PPFIBP1: variants seen among roughly 807,000 people sequenced by gnomAD.
PPFIBP1 encodes liprin-beta-1.
Under a neutral mutation model 137.8 loss-of-function variants are expected in PPFIBP1, and 112 were observed. The ratio of observed to expected loss-of-function variants is 0.81; its 90% CI spans 0.70 to 0.95. The LOEUF (loss-of-function observed/expected upper bound fraction) is 0.95, where lower values mean the gene tolerates loss of function less well. Ranked by LOEUF, PPFIBP1 falls within the 40% of genes least tolerant of loss-of-function variation. The pLI is 0.00. For missense variants in PPFIBP1, 1,083 were observed against 1,196.6 expected, an observed-to-expected ratio of 0.91 and a Z score of 1.40; for synonymous variants, 378 against 417.3, an observed-to-expected ratio of 0.91 and a Z score of 1.15.
At chr12:27,550,347 C>A (rs890430752) in intron 1 of PPFIBP1, among the ~76,000 whole-genome samples, 4 of 152,188 alleles carry the variant, frequency 2.6e-5, no homozygotes, top group African/African-American at 7.2e-5. Context: ...GCTGCTCCAG[C>A]TGGGATGTCT....
chr12:27,642,250 C>T (rs1286197930), intron 4 of PPFIBP1, among the ~76,000 whole-genome samples: 6 of 152,214 alleles, frequency 3.9e-5, no homozygotes, highest in African/African-American at 7.2e-5. Context: ...ACTCTGCATA[C>T]ACACTATTGG....
intron 21 of PPFIBP1, 66 bp downstream of exon 21, chr12:27,680,127 G>C (rs1264495993): frequency 9.5e-6 from 15 of 1,572,496 alleles, no homozygotes; most frequent in Non-Finnish European, 1.3e-5. Context: ...GAGTCCTGCA[G>C]TATTAGTACT....
intron 2 of PPFIBP1, among the ~76,000 whole-genome samples, chr12:27,626,979 A>C (rs1016073466): frequency 9.2e-5 from 14 of 152,146 alleles, no homozygotes; most frequent in African/African-American, 2.9e-4. Flanking sequence ...AATTTTTATG[A>C]GTACATAGTA....
At chr12:27,599,120 T>G (rs2137649935) in intron 2 of PPFIBP1, among the ~76,000 whole-genome samples, 1 of 152,368 alleles carries the variant, frequency 6.6e-6, no homozygotes, top group East Asian at 1.9e-4. Flanking sequence ...ATGCTTAATT[T>G]TATGTTTCAT....
intron 2 of PPFIBP1, among the ~76,000 whole-genome samples, chr12:27,598,664 T>G (rs2053605525): frequency 6.6e-6 from 1 of 152,110 alleles, no homozygotes. Flanking sequence ...TCATTTAGGT[T>G]TTTCTTTCTG....
At chr12:27,641,049 A>G (rs2058079187) in intron 4 of PPFIBP1, among the ~76,000 whole-genome samples, 1 of 152,214 alleles carries the variant, frequency 6.6e-6, no homozygotes, top group Admixed American at 6.5e-5. Flanking sequence ...TGACAATTTT[A>G]ATAACTAGTT....
intron 2 of PPFIBP1, among the ~76,000 whole-genome samples, chr12:27,628,756 A>G (rs1407340760): frequency 6.6e-6 from 1 of 152,182 alleles, no homozygotes; most frequent in Non-Finnish European, 1.5e-5. Context: ...AATTTCTAAC[A>G]ACCAACTTCT....
At chr12:27,650,651 A>G (rs1480393100) in intron 7 of PPFIBP1, among the ~76,000 whole-genome samples, 3 of 152,226 alleles carry the variant, frequency 2.0e-5, no homozygotes, top group African/African-American at 7.2e-5. Flanking sequence ...CCACATGTAA[A>G]TCATTCCAAT....
rs542223056 is a variant in PPFIBP1 at position 27,594,059 on chromosome 12, C to G, written c.-36+15820C>G. The G allele has an allele frequency of 2.3e-6, 3 of 1,300,602 alleles. No homozygotes were observed. The African/African-American group carries it at 4.5e-5, about 20-fold the overall frequency. The allele number at this position is 1,300,602 out of a possible 1,614,324, so 80.6% of individuals were successfully genotyped here. A position where few individuals can be genotyped will look rare whatever the true frequency, so the allele number is the denominator to read the frequency against. ...TGCCATGGAGTTCAAAGGCACAAAT[C>G]TCTCTCAACTTGAGAAGCTTCAAAA... On this transcript the variant is annotated intron_variant, in intron 2 of 29. Transcript: ENST00000228425.
intron 1 of PPFIBP1, among the ~76,000 whole-genome samples, chr12:27,526,766 C>T (rs533501823): frequency 1.7e-4 from 26 of 152,166 alleles, no homozygotes; most frequent in African/African-American, 5.3e-4. Context: ...ACCCAGGAGG[C>T]GGAGGTTGCA....
intron 2 of PPFIBP1, among the ~76,000 whole-genome samples, chr12:27,586,288 G>A (rs958080667): frequency 2.3e-4 from 35 of 152,196 alleles, no homozygotes; most frequent in African/African-American, 8.4e-4. Flanking sequence ...GATTCGGAGA[G>A]TCTTTGAACT....
intron 24 of PPFIBP1, among the ~76,000 whole-genome samples, chr12:27,684,697 TATTA>T (rs1304875337): frequency 6.6e-6 from 1 of 151,936 alleles, no homozygotes; most frequent in Non-Finnish European, 1.5e-5. Context: ...ATTTTGCTCA[TATTA>T]ATACTGGATT....
intron 6 of PPFIBP1, among the ~76,000 whole-genome samples, chr12:27,648,892 G>T (rs1038437643): frequency 7.2e-5 from 11 of 152,136 alleles, no homozygotes; most frequent in African/African-American, 2.7e-4. Context: ...ATGGCGAAGG[G>T]GTACAAAATA....
intron 1 of PPFIBP1, among the ~76,000 whole-genome samples, chr12:27,542,897 TAGTTGA>T (rs1945823301): frequency 6.6e-6 from 1 of 152,158 alleles, no homozygotes; most frequent in Non-Finnish European, 1.5e-5. Context: ...CTCTTACACA[TAGTTGA>T]GATTTTTGGC....
chr12:27,618,763 T>C (rs2056039817), intron 2 of PPFIBP1, among the ~76,000 whole-genome samples: 1 of 152,234 alleles, frequency 6.6e-6, no homozygotes, highest in African/African-American at 2.4e-5. Flanking sequence ...TGTCACAGGC[T>C]GTTGGTCACT....
At chr12:27,655,325 A>G in intron 8 of PPFIBP1, 1 of 901,364 alleles carries the variant, frequency 1.1e-6, no homozygotes, top group Non-Finnish European at 1.7e-6. Flanking sequence ...TGGCATGTGC[A>G]TTCATTCTGT....
intron 7 of PPFIBP1, 86 bp downstream of exon 7, chr12:27,650,227 T>G: frequency 8.2e-7 from 1 of 1,224,954 alleles, no homozygotes. Context: ...TAGGGCAAAG[T>G]TGAAATTCCC....
chr12:27,618,325 G>C (rs539331181), intron 2 of PPFIBP1, among the ~76,000 whole-genome samples: 1 of 152,212 alleles, frequency 6.6e-6, no homozygotes, highest in Non-Finnish European at 1.5e-5. Flanking sequence ...GCCGTGATGG[G>C]AAGGGGGAGC....
intron 1 of PPFIBP1, among the ~76,000 whole-genome samples, chr12:27,564,220 C>T (rs951964831): frequency 1.6e-4 from 24 of 152,196 alleles, no homozygotes; most frequent in African/African-American, 5.3e-4. Context: ...TGAGAAATTA[C>T]TTAACTTTGA....
Sources: gnomAD v4.1 joint callset for allele counts (sites outside exome capture counted in the v4.1 genomes callset) on GRCh38, gnomAD v4.1.1 for gene constraint, MANE v1.5 for transcripts, NCBI Gene and HGNC (gene_info 2026-07-23, HGNC 2026-07-21) for gene names.